USP54: variants seen among roughly 807,000 people sequenced by gnomAD.
The protein encoded by USP54 is ubiquitin specific peptidase 54, also known as ubiquitin carboxyl-terminal hydrolase 54.
Under a neutral mutation model 170.5 loss-of-function variants are expected in USP54, and 87 were observed. That is an observed-to-expected ratio of 0.51 (90% CI 0.43 to 0.61). The LOEUF (loss-of-function observed/expected upper bound fraction) is 0.61, where lower values mean the gene tolerates loss of function less well. Ranked by LOEUF, USP54 falls within the 20% of genes least tolerant of loss-of-function variation. The probability of loss-of-function intolerance (pLI) is 0.00; values close to 1 mark genes in which losing one functional copy is unlikely to be tolerated. For missense variants in USP54, 1,786 were observed against 2,047.8 expected, an observed-to-expected ratio of 0.87 and a Z score of 2.47; for synonymous variants, 655 against 742.8, an observed-to-expected ratio of 0.88 and a Z score of 1.92.
chr10:73,556,345 CTTTTTTTTTT>C (rs954299268), intron 4 of USP54, among the ~76,000 whole-genome samples: 4 of 133,856 alleles, frequency 3.0e-5, no homozygotes, highest in Admixed American at 2.3e-4. Flanking sequence ...CTTTTTTTTT[CTTTTTTTTTT>C]TTTTTTGAGA....
At chr10:73,573,436 AT>A (rs919192549) in intron 3 of USP54, among the ~76,000 whole-genome samples, 7 of 152,000 alleles carry the variant, frequency 4.6e-5, no homozygotes, top group African/African-American at 7.2e-5. Context: ...CCAGCACATA[AT>A]TTTTTTTTAT....
intron 15 of USP54, among the ~76,000 whole-genome samples, chr10:73,528,232 C>T (rs945452948): frequency 1.3e-5 from 2 of 151,372 alleles, no homozygotes; most frequent in East Asian, 3.9e-4. Context: ...CCGCGCCTGG[C>T]CCACTAATAC....
At chr10:73,564,901 CAAAAAAA>C (rs199823108) in intron 4 of USP54, among the ~76,000 whole-genome samples, 31 of 66,444 alleles carry the variant, frequency 4.7e-4, no homozygotes, top group South Asian at 4.1e-4. Flanking sequence ...TCATCTCTAC[CAAAAAAA>C]AAAAAAAAAA....
chr10:73,525,898 A>G (rs762158498), intron 16 of USP54, among the ~76,000 whole-genome samples: 1 of 152,236 alleles, frequency 6.6e-6, no homozygotes, highest in Non-Finnish European at 1.5e-5. Context: ...TAAGACTAAG[A>G]TATTTAGCCA....
chr10:73,502,638 C>A (rs139871615), intron 22 of USP54, among the ~76,000 whole-genome samples: 2,060 of 152,248 alleles, frequency 0.014, 12 homozygotes, highest in Non-Finnish European at 0.019. Flanking sequence ...AAACACTCTC[C>A]CCTTGGTGAC....
At chr10:73,548,503 G>A (rs961957594) in intron 4 of USP54, among the ~76,000 whole-genome samples, 3 of 152,212 alleles carry the variant, frequency 2.0e-5, no homozygotes, top group African/African-American at 2.4e-5. Context: ...ATGACAGACT[G>A]GATTAAGAAA....
chr10:73,596,323 C>T (rs150026080), upstream of USP54, among the ~76,000 whole-genome samples: 2,059 of 151,926 alleles, frequency 0.014, 32 homozygotes, highest in Non-Finnish European at 0.022. Context: ...TTTGGGAGGC[C>T]GAGGCGGGCA....
chr10:73,573,292 C>CA (rs991287229), intron 3 of USP54, among the ~76,000 whole-genome samples: 24 of 150,334 alleles, frequency 1.6e-4, no homozygotes, highest in South Asian at 4.2e-4. Flanking sequence ...CCTCTGGCTC[C>CA]AAAAAAAAGA....
intron 20 of USP54, among the ~76,000 whole-genome samples, chr10:73,511,534 C>A (rs1449101991): frequency 2.6e-5 from 4 of 151,116 alleles, no homozygotes; most frequent in African/African-American, 9.7e-5. Flanking sequence ...GTGGCACATG[C>A]CTGTAATCCC....
At chr10:73,535,192 T>G (rs2064977413) in intron 11 of USP54, among the ~76,000 whole-genome samples, 1 of 152,236 alleles carries the variant, frequency 6.6e-6, no homozygotes, top group Non-Finnish European at 1.5e-5. Flanking sequence ...CTTAAATTTT[T>G]GAATTGATAC....
chr10:73,543,431 A>G (rs936514226), intron 5 of USP54, among the ~76,000 whole-genome samples: 1 of 152,050 alleles, frequency 6.6e-6, no homozygotes, highest in Admixed American at 6.6e-5. Flanking sequence ...CAGTGGCTCA[A>G]TCTTGGCTCA....
chr10:73,611,679 C>T lies in USP54; in HGVS notation c.-18+13888G>A, dbSNP rs953599138. 2.6e-5 allele frequency: 4 copies of T among 151,830 alleles called. No individual in the cohort carries two copies. In the East Asian group the frequency reaches 7.7e-4, roughly 29 times the overall value. The allele number at this position is 151,830 out of a possible 1,614,324, so 9.4% of individuals were successfully genotyped here. On this transcript the variant is annotated intron_variant, in intron 1 of 22. Transcript: ENST00000339859. ...GGGCATGGTGGCAGGCACCTATAAT[C>T]CCAGCTACTCAGGAGGCTGAGGCAG...
In USP54 at chr10:73,539,464, C is replaced by T. The variant is rs1323380132; in HGVS notation, c.955G>A (p.Asp319Asn). ...QTKIRKWMYFDDAHVKEIGPK... is the reference protein window; with the variant it reads ...QTKIRKWMYFNDAHVKEIGPK... ...CCTACCTCCTTGACATGAGCATCATCAAAATACATCCATTTGCGAATCTTT... is the reference window on the plus strand; with the variant it reads ...CCTACCTCCTTGACATGAGCATCATTAAAATACATCCATTTGCGAATCTTT... Residue 319 changes from aspartate to asparagine, a missense_variant, in exon 10 of 24, where the codon GAT (aspartate) becomes AAT (asparagine). Asp to Asn is a conservative substitution (Grantham distance 23). This residue lies in a region of USP54 where 361 missense variants were observed against 455.0 expected (regional missense o/e 0.79). Coordinates refer to ENST00000687698, the MANE Select transcript of USP54 (RefSeq NM_001391956.1). 1 of 1,610,118 alleles carries T rather than the reference C, an allele frequency of 6.2e-7. No individual in the cohort carries two copies. Among genetic ancestry groups the T allele is most frequent in the Admixed American group, 1.7e-5 (1 of 59,914 alleles).
intron 1 of USP54, among the ~76,000 whole-genome samples, chr10:73,579,543 T>G (rs941831005): frequency 3.9e-5 from 6 of 151,958 alleles, no homozygotes; most frequent in Non-Finnish European, 8.8e-5. Context: ...TCACTTGAGG[T>G]CAGGAGTTCA....
chr10:73,583,598 T>G (rs549019462), intron 1 of USP54, among the ~76,000 whole-genome samples: 80 of 152,276 alleles, frequency 5.3e-4, no homozygotes, highest in African/African-American at 1.8e-3. Context: ...AAAAAATTTT[T>G]TTTAATTAGC....
chr10:73,602,855 CAAA>C (rs60433926), intron 1 of USP54, among the ~76,000 whole-genome samples: 14 of 41,426 alleles, frequency 3.4e-4, no homozygotes, highest in South Asian at 9.9e-4. Flanking sequence ...GACTCTGTCT[CAAA>C]AAAAAAAAAA....
chr10:73,512,523 T>A (rs79426247), intron 20 of USP54, among the ~76,000 whole-genome samples: 1 of 151,968 alleles, frequency 6.6e-6, no homozygotes, highest in Non-Finnish European at 1.5e-5. Flanking sequence ...TTTTTTTTTT[T>A]AAGAGATAGG....
Position 73,498,422 on chromosome 10 carries a change from C to T in USP54, c.*207G>A, listed in dbSNP as rs900939277. ...TTCCGAGTAGTTGGGACTACAGGCA[C>T]GCACCGTCACGCCTGGCTAATTTTT... On this transcript the variant is annotated 3_prime_UTR_variant, in exon 24 of 24. Coordinates refer to ENST00000687698, the MANE Select transcript of USP54 (RefSeq NM_001391956.1). 144 of 333,162 alleles carry T rather than the reference C, an allele frequency of 4.3e-4. No homozygotes were observed. The highest frequency in any genetic ancestry group is 1.7e-3 in the Middle Eastern group (2 of 1,152). 20.6% of individuals were successfully genotyped at this position (333,162 alleles called of 1,614,324 possible).
At chr10:73,595,816 C>T (rs1466291807), upstream of USP54, among the ~76,000 whole-genome samples, 5 of 152,062 alleles carry the variant, frequency 3.3e-5, no homozygotes, top group African/African-American at 7.2e-5. Flanking sequence ...GCTAGTCTTA[C>T]AGAAAGTAAT....
Sources: gnomAD v4.1 joint callset for allele counts (sites outside exome capture counted in the v4.1 genomes callset) on GRCh38, gnomAD v4.1.1 for gene constraint, gnomAD v4.1.1 regional missense constraint, MANE v1.5 for transcripts, NCBI Gene and HGNC (gene_info 2026-07-23, HGNC 2026-07-21) for gene names.